The following CCDC85A variants were observed in gnomAD, a reference collection of about 807,000 sequenced individuals.
The protein encoded by CCDC85A is coiled-coil domain containing 85A, also known as coiled-coil domain-containing protein 85A.
CCDC85A carries 38 observed loss-of-function variants against 50.2 expected under a neutral mutation model. The ratio of observed to expected loss-of-function variants is 0.76; its 90% CI spans 0.58 to 0.99. CCDC85A has a LOEUF of 0.99. Among genes scored for constraint, CCDC85A ranks in the 50% least tolerant of loss-of-function variants. The pLI, the probability that CCDC85A is intolerant of heterozygous loss-of-function variation, is 0.00. For synonymous variants in CCDC85A, 366 were observed against 301.4 expected (o/e 1.21, Z -2.22); for missense variants, 820 against 742.0 (o/e 1.11, Z -1.22).
intron 2 of CCDC85A, among the ~76,000 whole-genome samples, chr2:56,248,741 G>T (rs1318496587): frequency 6.6e-6 from 1 of 152,184 alleles, no homozygotes; most frequent in African/African-American, 2.4e-5. Context: ...GGGCTGAGCT[G>T]AGTGCCACCT....
At chr2:56,231,433 G>T (rs943536940) in intron 2 of CCDC85A, among the ~76,000 whole-genome samples, 1 of 152,118 alleles carries the variant, frequency 6.6e-6, no homozygotes, top group Admixed American at 6.5e-5. Context: ...TAAGTCTATG[G>T]GTTCTGAATC....
chr2:56,224,124 T>G (rs1183451868), intron 2 of CCDC85A, among the ~76,000 whole-genome samples: 2 of 152,202 alleles, frequency 1.3e-5, no homozygotes, highest in Non-Finnish European at 2.9e-5. Context: ...TTATTTCCAA[T>G]CTTCCCTCAC....
intron 2 of CCDC85A, among the ~76,000 whole-genome samples, chr2:56,338,494 C>T (rs1004029410): frequency 6.6e-6 from 1 of 152,144 alleles, no homozygotes. Context: ...TCTTCTCTTC[C>T]TCTCACCATG....
chr2:56,249,224 G>A (rs1049300459), intron 2 of CCDC85A, among the ~76,000 whole-genome samples: 23 of 152,256 alleles, frequency 1.5e-4, no homozygotes, highest in Admixed American at 4.6e-4. Context: ...CACTATAGGA[G>A]CAGGGCCGCC....
intron 2 of CCDC85A, among the ~76,000 whole-genome samples, chr2:56,290,849 C>T (rs927376922): frequency 6.6e-6 from 1 of 152,256 alleles, no homozygotes; most frequent in Admixed American, 6.5e-5. Context: ...AAAATTGGCT[C>T]TTTTGCCACG....
chr2:56,345,560 A>G (rs1310984930), intron 3 of CCDC85A, among the ~76,000 whole-genome samples: 1 of 152,186 alleles, frequency 6.6e-6, no homozygotes, highest in Non-Finnish European at 1.5e-5. Context: ...TTCATTTACT[A>G]CTAAGATATA....
intron 2 of CCDC85A, among the ~76,000 whole-genome samples, chr2:56,327,146 C>T (rs903867752): frequency 3.3e-5 from 5 of 152,064 alleles, no homozygotes; most frequent in African/African-American, 7.2e-5. Context: ...AGAATTGCAA[C>T]GTAATATACA....
Position 56,385,532 on chromosome 2 carries a change from A to G in CCDC85A, c.*1177A>G, listed in dbSNP as rs1396472902. 1 of 152,246 alleles carries G rather than the reference A, an allele frequency of 6.6e-6. No homozygotes were observed. Among genetic ancestry groups the G allele is most frequent in the Non-Finnish European group, 1.5e-5 (1 of 67,824 alleles). 9.4% of individuals were successfully genotyped at this position (152,246 alleles called of 1,614,324 possible). ...TCCAAATGCAATGATAGTTTCTTGT[A>G]TGAATGTGCAAGAGGCCTGTGACCG... is the stretch of plus-strand genomic sequence containing the variant. On this transcript the variant is annotated 3_prime_UTR_variant, in exon 6 of 6. Transcript: ENST00000407595.
chr2:56,333,433 G>C (rs1267587463), intron 2 of CCDC85A, among the ~76,000 whole-genome samples: 1 of 152,140 alleles, frequency 6.6e-6, no homozygotes, highest in African/African-American at 2.4e-5. Context: ...AGTGAATGAG[G>C]GCATGAAGTC....
intron 3 of CCDC85A, among the ~76,000 whole-genome samples, chr2:56,355,336 A>C (rs1399140106): frequency 6.6e-6 from 1 of 152,202 alleles, no homozygotes; most frequent in Non-Finnish European, 1.5e-5. Flanking sequence ...GTTGGTCAAG[A>C]GACAGTCTGT....
intron 3 of CCDC85A, among the ~76,000 whole-genome samples, chr2:56,349,433 G>T (rs1437238154): frequency 1.3e-5 from 2 of 152,110 alleles, no homozygotes; most frequent in East Asian, 3.9e-4. Flanking sequence ...AAAAAATCAT[G>T]CTAGAAAACC....
intron 2 of CCDC85A, among the ~76,000 whole-genome samples, chr2:56,205,397 C>A (rs1676919885): frequency 6.8e-6 from 1 of 147,374 alleles, no homozygotes; most frequent in Non-Finnish European, 1.5e-5. Flanking sequence ...GAGTAAGGCT[C>A]TTCAGAGAAA....
chr2:56,190,921 C>T (rs542620510), intron 1 of CCDC85A, among the ~76,000 whole-genome samples: 1 of 152,352 alleles, frequency 6.6e-6, no homozygotes, highest in South Asian at 2.1e-4. Context: ...CTATCCTCAG[C>T]TCCCTAACAA....
intron 2 of CCDC85A, among the ~76,000 whole-genome samples, chr2:56,280,270 A>C (rs575277594): frequency 2.0e-5 from 3 of 152,182 alleles, no homozygotes; most frequent in Non-Finnish European, 4.4e-5. Context: ...AAGGTTTTGC[A>C]GCTCAGCTAG....
intron 2 of CCDC85A, among the ~76,000 whole-genome samples, chr2:56,251,542 A>C (rs564752536): frequency 6.9e-6 from 1 of 143,914 alleles, no homozygotes; most frequent in Admixed American, 6.9e-5. Context: ...TCATGTTGCA[A>C]CCTCCTCTTT....
chr2:56,232,387 T>C (rs1002248106), intron 2 of CCDC85A, among the ~76,000 whole-genome samples: 1 of 152,156 alleles, frequency 6.6e-6, no homozygotes, highest in Non-Finnish European at 1.5e-5. Context: ...TTTGATATGG[T>C]TTGGCTCTGT....
chr2:56,314,588 T>G, intron 2 of CCDC85A, among the ~76,000 whole-genome samples: 1 of 152,150 alleles, frequency 6.6e-6, no homozygotes, highest in East Asian at 1.9e-4. Context: ...TGATTTTATT[T>G]AGTCTAGCAA....
At chr2:56,354,963 A>T (rs929598314) in intron 3 of CCDC85A, among the ~76,000 whole-genome samples, 21 of 152,338 alleles carry the variant, frequency 1.4e-4, no homozygotes, top group South Asian at 4.1e-4. Context: ...CCAAATTGGG[A>T]TCACAGAAAT....
At position 56,184,784 on chromosome 2, in the gene CCDC85A, C is replaced by T. The variant is rs760317264; in HGVS notation, c.160C>T (p.Arg54Cys). The change falls in exon 1 of 6, where the codon CGC (arginine) becomes TGC (cysteine). Residue 54 changes from arginine to cysteine, a missense_variant. Transcript: ENST00000407595. The stretch of plus-strand genomic sequence containing the variant: ...GCAGTGGAGCAAGGAGGAGCTGATC[C>T]GCAGCCTGCGGCGCGCCGAGGCGGA... ...LLQWSKEELI[R>C]SLRRAEAEKV... 10 of 1,546,384 alleles carry T rather than the reference C, an allele frequency of 6.5e-6. No homozygotes were observed. The highest frequency in any genetic ancestry group is 8.7e-6 in the Non-Finnish European group (10 of 1,146,050).
Sources: gnomAD v4.1 joint callset for allele counts (sites outside exome capture counted in the v4.1 genomes callset) on GRCh38, gnomAD v4.1.1 for gene constraint, MANE v1.5 for transcripts, NCBI Gene and HGNC (gene_info 2026-07-23, HGNC 2026-07-21) for gene names.